UEVLD: variants seen among roughly 807,000 people sequenced by gnomAD.
The protein encoded by UEVLD is ubiquitin-conjugating enzyme E2 variant 3.
Under a neutral mutation model 58.6 loss-of-function variants are expected in UEVLD, and 47 were observed. The ratio of observed to expected loss-of-function variants is 0.80; its 90% confidence interval spans 0.63 to 1.02. The LOEUF (loss-of-function observed/expected upper bound fraction) is 1.02. Ranked by LOEUF, UEVLD falls within the 50% of genes least tolerant of loss-of-function variation. UEVLD has a pLI of 0.00. For synonymous variants in UEVLD, 197 were observed against 195.3 expected, an observed-to-expected ratio of 1.01 and a Z score of -0.07; for missense variants, 510 against 550.6, an observed-to-expected ratio of 0.93 and a Z score of 0.74.
chr11:18,588,616 G>A lies in UEVLD; in HGVS notation c.39C>T (p.Gly13=). 2 of 1,610,218 alleles carry A rather than the reference G, an allele frequency of 1.2e-6. No individual in the cohort carries two copies. The highest frequency in any genetic ancestry group is 1.7e-6 in the Non-Finnish European group (2 of 1,179,844). ...TGGCCCAGCGGACTGCCCGCACCTT[G>A]CCAAGCAGCCGTCTCAGGCCCTCGC... is the stretch of plus-strand genomic sequence containing the variant. ...FDCEGLRRLL[G]KYKFRDLTVE... Residue 13 remains glycine, a synonymous_variant, in exon 1 of 12, where the codon GGC becomes GGT. Transcript: ENST00000396197.
In UEVLD at chr11:18,575,394, T is replaced by C; in HGVS notation, c.146A>G (p.Gln49Arg). Reference protein sequence around the residue: ...MDTYVFKDSSQKDLLNFTGTI... With the variant: ...MDTYVFKDSSRKDLLNFTGTI... ...GCCAGTAAAATTCAGCAGGTCTTTC[T>C]GAGAACTATCTTTAAAAACTAGAAG... Residue 49 changes from glutamine (Q) to arginine (R), a missense_variant, in exon 3 of 12, where the codon CAG becomes CGG. Transcript: ENST00000396197. 1 of 1,607,206 alleles carries C rather than the reference T, an allele frequency of 6.2e-7. No individual in the cohort carries two copies. Among genetic ancestry groups the C allele is most frequent in the Non-Finnish European group, 8.5e-7 (1 of 1,178,458 alleles).
At chr11:18,571,596 T>C (rs1565136105) in intron 3 of UEVLD, among the ~76,000 whole-genome samples, 1 of 152,226 alleles carries the variant, frequency 6.6e-6, no homozygotes, top group African/African-American at 2.4e-5. Context: ...TAGCTTTTAG[T>C]AATTCAGCAC....
chr11:18,558,782 CAAAA>C (rs760975470), intron 6 of UEVLD, among the ~76,000 whole-genome samples: 98 of 118,364 alleles, frequency 8.3e-4, no homozygotes, highest in Middle Eastern at 4.5e-3. Flanking sequence ...GACTCTATCT[CAAAA>C]AAAAAAAAAA....
intron 7 of UEVLD, among the ~76,000 whole-genome samples, chr11:18,549,812 A>AT (rs1851450726): frequency 6.6e-6 from 1 of 151,336 alleles, no homozygotes; most frequent in South Asian, 2.1e-4. Context: ...CTCTGAGTTT[A>AT]TTTTTTATTT....
chr11:18,573,147 G>A (rs1428543051), intron 3 of UEVLD, among the ~76,000 whole-genome samples: 1 of 152,198 alleles, frequency 6.6e-6, no homozygotes, highest in Non-Finnish European at 1.5e-5. Flanking sequence ...CTGCAGGACA[G>A]GCATAGTGCC....
chr11:18,560,573 G>A (rs1015463673), intron 6 of UEVLD, among the ~76,000 whole-genome samples: 7 of 152,002 alleles, frequency 4.6e-5, no homozygotes, highest in African/African-American at 1.7e-4. Flanking sequence ...CAATATTAAG[G>A]ATATTCATAA....
intron 7 of UEVLD, among the ~76,000 whole-genome samples, chr11:18,554,403 T>A (rs1368423817): frequency 1.4e-5 from 2 of 147,808 alleles, no homozygotes; most frequent in African/African-American, 5.0e-5. Context: ...TTTTTTTTTT[T>A]TTTTTTTTTG....
intron 11 of UEVLD, 115 bp downstream of exon 11, chr11:18,534,214 TA>T: frequency 1.3e-6 from 1 of 766,318 alleles, no homozygotes. Flanking sequence ...CCTGTTACTC[TA>T]AAAGCTGGTG....
chr11:18,554,391 C>CG (rs1851663679), intron 7 of UEVLD, among the ~76,000 whole-genome samples: 2 of 58,226 alleles, frequency 3.4e-5, no homozygotes, highest in Non-Finnish European at 6.4e-5. Context: ...TGTGCCTGGC[C>CG]ATTTTTTTTT....
Position 18,531,529 on chromosome 11 carries a change from A to G in UEVLD, c.*791T>C, listed in dbSNP as rs913981803. ...GACCAATGTTTTTAATGAAAATCTC[A>G]TATTTTGGCTTTAAAGTAAGGTGCT... On this transcript the variant is annotated 3_prime_UTR_variant, in exon 12 of 12. Transcript: ENST00000396197. 5.3e-5 allele frequency: 8 copies of G among 152,176 alleles called. No individual in the cohort carries two copies. Among genetic ancestry groups the G allele is most frequent in the South Asian group, 2.1e-4 (1 of 4,830 alleles). 9.4% of individuals were successfully genotyped at this position (152,176 alleles called of 1,614,324 possible).
chr11:18,559,418 C>T lies in UEVLD; in HGVS notation c.613-1088G>A, dbSNP rs906661608. Among the ~76,000 whole-genome samples, 10 of 152,084 alleles carry T rather than the reference C, an allele frequency of 6.6e-5. No individual in the cohort carries two copies. The East Asian group carries it at 1.2e-3, about 18-fold the overall frequency. On this transcript the variant is annotated intron_variant, in intron 6 of 11. Transcript: ENST00000396197. Reference sequence around the variant, plus strand: ...TTCACCATGTTGGCTAGGCTGGTCTCGAACTCCTGACCTCAAGTGATCTGC... The same window carrying T: ...TTCACCATGTTGGCTAGGCTGGTCTTGAACTCCTGACCTCAAGTGATCTGC...
At chr11:18,543,503 C>T (rs929708563) in intron 9 of UEVLD, among the ~76,000 whole-genome samples, 7 of 152,170 alleles carry the variant, frequency 4.6e-5, no homozygotes, top group Non-Finnish European at 8.8e-5. Flanking sequence ...AAATCCTATT[C>T]ATTCGTCCAA....
chr11:18,581,784 C>T (rs913658908), intron 1 of UEVLD, among the ~76,000 whole-genome samples: 5 of 152,242 alleles, frequency 3.3e-5, no homozygotes, highest in South Asian at 2.1e-4. Context: ...GAGCAGGAAT[C>T]GTCTTTCCCT....
At chr11:18,554,334 C>T (rs1211342730) in intron 7 of UEVLD, among the ~76,000 whole-genome samples, 2 of 151,592 alleles carry the variant, frequency 1.3e-5, no homozygotes, top group Non-Finnish European at 2.9e-5. Context: ...TCAGGTGATC[C>T]TCCCGCCTCG....
In UEVLD at chr11:18,558,391, T is replaced by A. The variant is rs532093087; in HGVS notation, c.613-61A>T. ...GGCCAGTGACTCAATTTAAATTCAT[T>A]CAACAATGAGGACTAAAGGACAATA... On this transcript the variant is annotated intron_variant, in intron 6 of 11. Coordinates refer to ENST00000396197, the MANE Select transcript of UEVLD (RefSeq NM_001040697.4). The A allele has an allele frequency of 1.3e-3, 1,523 of 1,183,364 alleles. 21 individuals are homozygous for A. The African/African-American group carries it at 0.021, about 16-fold the overall frequency. The allele number at this position is 1,183,364 out of a possible 1,614,324, so 73.3% of individuals were successfully genotyped here.
At chr11:18,564,063 A>C (rs1300712329) in intron 6 of UEVLD, 1 of 260,630 alleles carries the variant, frequency 3.8e-6, no homozygotes, top group African/African-American at 2.2e-5. Context: ...GAAAGAAATA[A>C]AACTACAGCA....
chr11:18,536,615 A>G (rs1210747288), intron 9 of UEVLD, 146 bp from the exon 10 acceptor site: 3 of 634,678 alleles, frequency 4.7e-6, no homozygotes, highest in African/African-American at 1.8e-5. Context: ...TTTCCACTGG[A>G]TAACAATGAA....
chr11:18,534,935 A>C (rs2133952110), intron 10 of UEVLD, among the ~76,000 whole-genome samples: 1 of 152,344 alleles, frequency 6.6e-6, no homozygotes, highest in Admixed American at 6.5e-5. Context: ...TGTACATAAT[A>C]AGCATGTCTG....
chr11:18,572,701 G>A (rs934794937), intron 3 of UEVLD, among the ~76,000 whole-genome samples: 1 of 151,484 alleles, frequency 6.6e-6, no homozygotes, highest in African/African-American at 2.4e-5. Flanking sequence ...CTACTCAGGA[G>A]ACTGAGGCAG....
Sources: allele counts gnomAD v4.1 joint callset (sites outside exome capture counted in the v4.1 genomes callset), GRCh38; gene constraint gnomAD v4.1.1; transcripts MANE v1.5; gene names NCBI Gene and HGNC (gene_info 2026-07-23, HGNC 2026-07-21).